Variants in POLQ observed in about 807,000 individuals in gnomAD.
POLQ encodes DNA polymerase theta, also known as epididymis secretory sperm binding protein.
In POLQ, 233 loss-of-function variants were observed where a neutral mutation model predicts 259.2. That is an observed-to-expected ratio of 0.90 (90% CI 0.81 to 1.00). The LOEUF is 1.00. Ranked by LOEUF, POLQ falls within the 50% of genes least tolerant of loss-of-function variation. The pLI is 0.00. For synonymous variants in POLQ, 1,025 were observed against 1,048.8 expected, an observed-to-expected ratio of 0.98 and a Z score of 0.44; for missense variants, 2,871 against 3,051.6, an observed-to-expected ratio of 0.94 and a Z score of 1.39.
intron 2 of POLQ, among the ~76,000 whole-genome samples, chr3:121,543,740 T>A (rs2048507149): frequency 6.6e-6 from 1 of 152,062 alleles, no homozygotes; most frequent in African/African-American, 2.4e-5. Flanking sequence ...TCCCAGGACT[T>A]TGGGAGGCTG....
intron 14 of POLQ, among the ~76,000 whole-genome samples, chr3:121,495,638 A>T (rs1275054436): frequency 6.6e-6 from 1 of 151,458 alleles, no homozygotes; most frequent in Non-Finnish European, 1.5e-5. Flanking sequence ...AGGTCAGGAG[A>T]TCGAGACCAT....
chr3:121,541,518 T>C (rs774191845), intron 2 of POLQ, 39 bp from the exon 3 acceptor site: 1 of 1,536,950 alleles, frequency 6.5e-7, no homozygotes, highest in Admixed American at 1.9e-5. Context: ...AAGAAAAAAG[T>C]AATATTCGGT....
At chr3:121,465,258 AT>A in intron 24 of POLQ, among the ~76,000 whole-genome samples, 1 of 151,690 alleles carries the variant, frequency 6.6e-6, no homozygotes, top group Non-Finnish European at 1.5e-5. Context: ...TGCCTAGCTA[AT>A]TTTTTGACTT....
intron 26 of POLQ, 55 bp downstream of exon 26, chr3:121,449,260 A>G: frequency 4.4e-6 from 4 of 911,456 alleles, no homozygotes; most frequent in Non-Finnish European, 6.9e-6. Flanking sequence ...ACAAATTTTT[A>G]AAAATATAAT....
At chr3:121,497,580 G>A (rs1399210835) in intron 13 of POLQ, among the ~76,000 whole-genome samples, 3 of 152,036 alleles carry the variant, frequency 2.0e-5, no homozygotes, top group East Asian at 1.9e-4. Context: ...GGGATTACAG[G>A]TGCACACCAC....
intron 24 of POLQ, among the ~76,000 whole-genome samples, 170 bp from the exon 25 acceptor site, chr3:121,460,404 T>C (rs1183430875): frequency 6.6e-6 from 1 of 152,216 alleles, no homozygotes; most frequent in Non-Finnish European, 1.5e-5. Context: ...AATTCAGCTC[T>C]GTATCTTAGG....
intron 14 of POLQ, chr3:121,494,838 C>T: frequency 6.3e-7 from 1 of 1,582,322 alleles, no homozygotes; most frequent in Non-Finnish European, 8.6e-7. Context: ...GTCCTGGGTC[C>T]TAAGTCTGTG....
intron 12 of POLQ, among the ~76,000 whole-genome samples, chr3:121,509,320 T>C (rs979134362): frequency 1.4e-4 from 22 of 152,232 alleles, no homozygotes; most frequent in Admixed American, 1.0e-3. Flanking sequence ...ATATATTTTT[T>C]ATAAAACAAC....
intron 27 of POLQ, 85 bp from the exon 28 acceptor site, chr3:121,436,360 C>A: frequency 7.8e-7 from 1 of 1,289,752 alleles, no homozygotes; most frequent in Non-Finnish European, 1.1e-6. Flanking sequence ...TCAGTGCTCA[C>A]ATTTGCAGCC....
intron 25 of POLQ, among the ~76,000 whole-genome samples, chr3:121,455,012 C>G (rs992185326): frequency 4.6e-5 from 7 of 152,202 alleles, no homozygotes; most frequent in African/African-American, 1.7e-4. Context: ...TGTAAAAGAA[C>G]AGAAATTATA....
chr3:121,526,012 G>T (rs112844459), intron 7 of POLQ, among the ~76,000 whole-genome samples: 7 of 152,038 alleles, frequency 4.6e-5, no homozygotes, highest in South Asian at 4.2e-4. Context: ...TTCTATCGGG[G>T]TTCTCTTCCA....
intron 21 of POLQ, among the ~76,000 whole-genome samples, chr3:121,472,552 A>C (rs1376499215): frequency 6.6e-6 from 1 of 152,222 alleles, no homozygotes; most frequent in Non-Finnish European, 1.5e-5. Context: ...CCGGATACTT[A>C]TACGGTTTCC....
chr3:121,475,559 A>G (rs2047918654), intron 20 of POLQ, among the ~76,000 whole-genome samples: 1 of 152,208 alleles, frequency 6.6e-6, no homozygotes, highest in South Asian at 2.1e-4. Context: ...AGGAAGAGAG[A>G]CCCATTATGA....
At chr3:121,451,396 GT>G (rs960567716) in intron 25 of POLQ, among the ~76,000 whole-genome samples, 2 of 152,190 alleles carry the variant, frequency 1.3e-5, no homozygotes, top group African/African-American at 4.8e-5. Context: ...TTTCTGCTCT[GT>G]TTTTTCCCCA....
intron 25 of POLQ, among the ~76,000 whole-genome samples, chr3:121,450,053 AAAGCCTAGATC>A (rs2047661768): frequency 1.3e-5 from 2 of 152,160 alleles, no homozygotes; most frequent in Non-Finnish European, 2.9e-5. Flanking sequence ...GCCGGGGTTC[AAAGCCTAGATC>A]TATCATTCAC....
intron 13 of POLQ, 147 bp from the exon 14 acceptor site, chr3:121,497,079 C>T (rs929263394): frequency 2.3e-5 from 19 of 839,464 alleles, no homozygotes; most frequent in Non-Finnish European, 3.1e-5. Flanking sequence ...AATAGGATTA[C>T]TGGACAAAGG....
In POLQ at chr3:121,476,563, T is replaced by TGAAA. The variant is rs767912695; in HGVS notation, c.6378_6381dup (p.Thr2128PhefsTer6). 1.2e-6 allele frequency: 2 copies of TGAAA among 1,613,220 alleles called. No individual in the cohort carries two copies. Among genetic ancestry groups the TGAAA allele is most frequent in the East Asian group, 4.5e-5 (2 of 44,854 alleles). ...ACCTCAGCGATGTCATCTGAACTGG[T>TGAAA]GAAAGAAAAACTGTGGCCAGCTAGT... On this transcript the variant is annotated frameshift_variant, in exon 20 of 30. Coordinates refer to ENST00000264233, the MANE Select transcript of POLQ (RefSeq NM_199420.4). LOFTEE classifies it high-confidence loss of function.
chr3:121,440,862 C>A (rs1425517960), intron 26 of POLQ, among the ~76,000 whole-genome samples: 1 of 151,996 alleles, frequency 6.6e-6, no homozygotes, highest in Non-Finnish European at 1.5e-5. Flanking sequence ...CAAAGTAGGA[C>A]CTTGCTGAAA....
intron 25 of POLQ, among the ~76,000 whole-genome samples, chr3:121,454,206 C>G (rs1481968306): frequency 6.6e-6 from 1 of 152,150 alleles, no homozygotes; most frequent in Non-Finnish European, 1.5e-5. Context: ...ACCACCTGGC[C>G]AGCCCTAAAA....
Sources: gnomAD v4.1 joint callset for allele counts (sites outside exome capture counted in the v4.1 genomes callset) on GRCh38, gnomAD v4.1.1 for gene constraint, MANE v1.5 for transcripts, NCBI Gene and HGNC (gene_info 2026-07-23, HGNC 2026-07-21) for gene names.